NRG1: variants seen among roughly 807,000 people sequenced by gnomAD.
NRG1 encodes the protein pro-neuregulin-1, membrane-bound isoform.
A neutral mutation model predicts 63.8 loss-of-function variants in NRG1; 18 were observed. The ratio of observed to expected loss-of-function variants is 0.28; its 90% CI spans 0.19 to 0.42. NRG1 has a LOEUF of 0.42. Ranked by LOEUF, NRG1 falls within the 10% of genes least tolerant of loss-of-function variation. The pLI, the probability that NRG1 is intolerant of heterozygous loss-of-function variation, is 1.00. For synonymous variants in NRG1, 302 were observed against 301.3 expected (o/e 1.00, Z -0.02); for missense variants, 762 against 814.7 (o/e 0.94, Z 0.79).
At chr8:32,332,960 G>A (rs1802827583) in intron 1 of NRG1, among the ~76,000 whole-genome samples, 1 of 152,160 alleles carries the variant, frequency 6.6e-6, no homozygotes, top group Admixed American at 6.5e-5. Flanking sequence ...GGAATCCCAT[G>A]ACCCTGAAAT....
intron 1 of NRG1, among the ~76,000 whole-genome samples, chr8:32,161,967 A>G (rs1451090365): frequency 6.6e-6 from 1 of 152,244 alleles, no homozygotes; most frequent in Non-Finnish European, 1.5e-5. Flanking sequence ...CACCTGGCTT[A>G]GTGCTCAGGA....
At chr8:32,679,452 A>G (rs948780390) in intron 5 of NRG1, among the ~76,000 whole-genome samples, 1 of 152,174 alleles carries the variant, frequency 6.6e-6, no homozygotes, top group Non-Finnish European at 1.5e-5. Flanking sequence ...CTATCTTTGC[A>G]TCATAATATA....
At chr8:32,280,549 T>C (rs930716796) in intron 1 of NRG1, among the ~76,000 whole-genome samples, 1 of 152,106 alleles carries the variant, frequency 6.6e-6, no homozygotes, top group Non-Finnish European at 1.5e-5. Context: ...GAAACTAGAA[T>C]GGAGATTCCC....
chr8:32,517,288 C>T (rs1051683666), intron 1 of NRG1, among the ~76,000 whole-genome samples: 2 of 152,106 alleles, frequency 1.3e-5, no homozygotes, highest in African/African-American at 4.8e-5. Flanking sequence ...TAAAGTACTA[C>T]TTCTTTTTTA....
At chr8:31,670,584 T>G (rs1208936539) in intron 1 of NRG1, among the ~76,000 whole-genome samples, 1 of 150,438 alleles carries the variant, frequency 6.6e-6, no homozygotes, top group South Asian at 2.1e-4. Flanking sequence ...TTTTTTTTTG[T>G]CGAAAATAAA....
chr8:32,112,500 C>T (rs1298581362), intron 1 of NRG1, among the ~76,000 whole-genome samples: 2 of 152,196 alleles, frequency 1.3e-5, no homozygotes, highest in Non-Finnish European at 2.9e-5. Context: ...TTATTTCCTT[C>T]TTTGCATCCA....
intron 1 of NRG1, among the ~76,000 whole-genome samples, chr8:32,467,396 C>T (rs927632866): frequency 2.0e-5 from 3 of 152,126 alleles, no homozygotes; most frequent in Non-Finnish European, 4.4e-5. Context: ...CACTGTTGCC[C>T]TGAATGCATG....
intron 1 of NRG1, among the ~76,000 whole-genome samples, chr8:32,245,935 G>C (rs1848554628): frequency 6.6e-6 from 1 of 152,096 alleles, no homozygotes; most frequent in African/African-American, 2.4e-5. Context: ...AGTTTTCTGA[G>C]CCTGCGAGGA....
intron 1 of NRG1, among the ~76,000 whole-genome samples, chr8:32,137,849 A>T (rs1835749232): frequency 1.3e-5 from 2 of 152,070 alleles, no homozygotes; most frequent in African/African-American, 4.8e-5. Flanking sequence ...TTCTGGGTGA[A>T]TCCTCTCTCA....
At chr8:32,177,077 T>G (rs1585863634) in intron 1 of NRG1, among the ~76,000 whole-genome samples, 2 of 152,038 alleles carry the variant, frequency 1.3e-5, no homozygotes, top group East Asian at 1.9e-4. Context: ...TGAAAACAAG[T>G]GAAATGCCCA....
chr8:32,604,659 T>C (rs1844949799), intron 2 of NRG1, among the ~76,000 whole-genome samples: 1 of 152,116 alleles, frequency 6.6e-6, no homozygotes, highest in Non-Finnish European at 1.5e-5. Context: ...CCTTGAATTC[T>C]TGGGCCCAAG....
chr8:32,329,008 AC>A (rs1802330787), intron 1 of NRG1, among the ~76,000 whole-genome samples: 1 of 149,798 alleles, frequency 6.7e-6, no homozygotes, highest in Admixed American at 6.6e-5. Context: ...TCACTCTGTC[AC>A]CCAGACTGGA....
chr8:32,485,768 G>A (rs937668528), intron 1 of NRG1, among the ~76,000 whole-genome samples: 2 of 152,092 alleles, frequency 1.3e-5, no homozygotes, highest in African/African-American at 4.8e-5. Flanking sequence ...ATCTAATTAA[G>A]TTTCCCCTTA....
intron 5 of NRG1, among the ~76,000 whole-genome samples, chr8:32,657,874 G>A (rs977672518): frequency 1.3e-5 from 2 of 152,118 alleles, no homozygotes; most frequent in Non-Finnish European, 2.9e-5. Flanking sequence ...AATCTTTAAA[G>A]CAAGCTGAAT....
chr8:32,065,201 TA>T (rs1455959459), intron 1 of NRG1, among the ~76,000 whole-genome samples: 11 of 152,054 alleles, frequency 7.2e-5, no homozygotes, highest in Admixed American at 7.2e-4. Context: ...CTTTCTTTAT[TA>T]TTTTTATTTT....
intron 1 of NRG1, among the ~76,000 whole-genome samples, chr8:32,550,610 G>A (rs564442104): frequency 2.0e-5 from 3 of 152,150 alleles, no homozygotes; most frequent in African/African-American, 7.2e-5. Flanking sequence ...CAGCAGTACC[G>A]TAACACAGCA....
chr8:32,637,365 AAT>A (rs1406603538), intron 5 of NRG1, among the ~76,000 whole-genome samples: 2 of 152,150 alleles, frequency 1.3e-5, no homozygotes, highest in African/African-American at 2.4e-5. Context: ...TATCAAATAG[AAT>A]ATATGTTTCT....
chr8:32,476,329 C>T (rs1035590264), intron 1 of NRG1, among the ~76,000 whole-genome samples: 7 of 148,358 alleles, frequency 4.7e-5, no homozygotes, highest in Admixed American at 2.6e-4. Flanking sequence ...GGCTATCCCT[C>T]GTGATCCTAT....
At chr8:32,474,678 T>TGG (rs1162116950) in intron 1 of NRG1, among the ~76,000 whole-genome samples, 6 of 149,526 alleles carry the variant, frequency 4.0e-5, no homozygotes, top group African/African-American at 1.5e-4. Flanking sequence ...TGTGTGTGTG[T>TGG]TTTTTTTAGT....
Sources: allele counts gnomAD v4.1 joint callset (sites outside exome capture counted in the v4.1 genomes callset), GRCh38; gene constraint gnomAD v4.1.1; transcripts MANE v1.5; gene names NCBI Gene and HGNC (gene_info 2026-07-23, HGNC 2026-07-21).